Variants in EPS8 observed in about 807,000 individuals in gnomAD.
EPS8 encodes the protein epidermal growth factor receptor kinase substrate 8.
A neutral mutation model predicts 103.8 loss-of-function variants in EPS8; 42 were observed. The ratio of observed to expected loss-of-function variants is 0.40; its 90% CI spans 0.32 to 0.52. The LOEUF is 0.52. Ranked by LOEUF, EPS8 falls within the 20% of genes least tolerant of loss-of-function variation. The probability of loss-of-function intolerance (pLI) is 0.40; values close to 1 mark genes in which losing one functional copy is unlikely to be tolerated. For missense variants in EPS8, 969 were observed against 1,005.1 expected, an observed-to-expected ratio of 0.96 and a Z score of 0.49; for synonymous variants, 344 against 344.6, an observed-to-expected ratio of 1.00 and a Z score of 0.02.
chr12:15,626,501 T>A (rs2135717080), intron 18 of EPS8, among the ~76,000 whole-genome samples: 1 of 151,910 alleles, frequency 6.6e-6, no homozygotes, highest in South Asian at 2.1e-4. Flanking sequence ...TGGTGGCATG[T>A]GCCTGTGGCC....
intron 1 of EPS8, among the ~76,000 whole-genome samples, chr12:15,691,590 A>C (rs1314066214): frequency 2.0e-5 from 3 of 152,144 alleles, no homozygotes; most frequent in African/African-American, 4.8e-5. Context: ...GTAAGCCAGA[A>C]GGCAAAAGAG....
chr12:15,686,153 C>CA (rs764645857), intron 1 of EPS8, among the ~76,000 whole-genome samples: 18 of 152,172 alleles, frequency 1.2e-4, no homozygotes, highest in Non-Finnish European at 2.2e-4. Context: ...TCAGCCTACT[C>CA]AACATGAAGA....
intron 1 of EPS8, among the ~76,000 whole-genome samples, chr12:15,711,615 T>A (rs942176633): frequency 6.6e-6 from 1 of 152,144 alleles, no homozygotes; most frequent in Non-Finnish European, 1.5e-5. Flanking sequence ...GCCTTAGAGT[T>A]TGGCCACTAA....
rs188583755 is a variant in EPS8, at chr12:15,620,445, C to T, written c.*872G>A. ...GTGTAAATTAAGTGCTTCTTATTAC[C>T]AGAAATACTTGACACAGATAAACAC... On this transcript the variant is annotated 3_prime_UTR_variant, in exon 21 of 21. Transcript: ENST00000281172. 6.6e-6 allele frequency: 1 copy of T among 152,574 alleles called. No individual in the cohort carries two copies. The highest frequency in any genetic ancestry group is 2.4e-5 in the African/African-American group (1 of 41,514). The allele number at this position is 152,574 out of a possible 1,614,324, so 9.5% of individuals were successfully genotyped here. A position where few individuals can be genotyped will look rare whatever the true frequency, so the allele number is the denominator to read the frequency against.
At position 15,728,854 on chromosome 12, in the gene EPS8, GAA is replaced by G. The variant is rs1455282582; in HGVS notation, c.-21-45884_-21-45883del. Reference sequence around the variant, plus strand: ...AAAATGGGCTAAAGGACACTGTTAAGAAAATGAAAAGACAAGCCACAGACTAG... The same window carrying G: ...AAAATGGGCTAAAGGACACTGTTAAGAATGAAAAGACAAGCCACAGACTAG... On this transcript the variant is annotated intron_variant, in intron 1 of 20. Coordinates refer to ENST00000281172, the MANE Select transcript of EPS8 (RefSeq NM_004447.6). The surrounding 1 kb of genome is among the most constrained non-coding windows in gnomAD (Gnocchi z 4.5). 6.6e-6 allele frequency among the ~76,000 whole-genome samples: 1 copy of G among 152,116 alleles called. No individual in the cohort carries two copies. The highest frequency in any genetic ancestry group is 1.5e-5 in the Non-Finnish European group (1 of 67,982).
chr12:15,677,525 ATCC>A (rs1463634390), intron 3 of EPS8, among the ~76,000 whole-genome samples: 1 of 152,232 alleles, frequency 6.6e-6, no homozygotes, highest in Non-Finnish European at 1.5e-5. Context: ...ACAAAACAGT[ATCC>A]TCCTATTACA....
intron 15 of EPS8, among the ~76,000 whole-genome samples, chr12:15,643,740 G>GAAAAAAAAAAACAAAAAAAAAAAAAAAAA (rs1945271788): frequency 1.3e-5 from 1 of 76,994 alleles, no homozygotes; most frequent in African/African-American, 5.1e-5. Context: ...ACTCTGTCTC[G>GAAAAAAAAAAACAAAAAAAAAAAAAAAAA]AAAAAAAAAA....
intron 1 of EPS8, among the ~76,000 whole-genome samples, chr12:15,718,019 C>T (rs1565515984): frequency 6.6e-6 from 1 of 152,250 alleles, no homozygotes; most frequent in East Asian, 1.9e-4. Flanking sequence ...TTCTCATTTC[C>T]TTTCATGTCC....
chr12:15,624,137 A>G (rs1266186507), intron 19 of EPS8, 90 bp downstream of exon 19: 3 of 1,019,440 alleles, frequency 2.9e-6, no homozygotes, highest in Non-Finnish European at 4.5e-6. Context: ...CTTATGTTTT[A>G]TAACAGTTAT....
At chr12:15,782,753 G>C (rs1352307365) in intron 1 of EPS8, among the ~76,000 whole-genome samples, 1 of 152,104 alleles carries the variant, frequency 6.6e-6, no homozygotes, top group East Asian at 1.9e-4. Context: ...TAAAGATGCA[G>C]TATTAAGTCC....
intron 1 of EPS8, among the ~76,000 whole-genome samples, chr12:15,756,403 T>A (rs1946986603): frequency 2.0e-5 from 3 of 152,066 alleles, no homozygotes. Flanking sequence ...CAAAAACAAA[T>A]GAAAAATGTA....
chr12:15,672,299 G>C (rs1172427368), intron 3 of EPS8, among the ~76,000 whole-genome samples: 1 of 152,000 alleles, frequency 6.6e-6, no homozygotes, highest in East Asian at 1.9e-4. Context: ...CAACACATAT[G>C]AATTTCATTT....
intron 12 of EPS8, among the ~76,000 whole-genome samples, chr12:15,654,617 TTTG>T (rs1027603472): frequency 1.3e-5 from 2 of 152,182 alleles, no homozygotes; most frequent in African/African-American, 2.4e-5. Context: ...CTACCCCTGT[TTTG>T]TTGTTGTTGT....
intron 6 of EPS8, among the ~76,000 whole-genome samples, chr12:15,667,312 A>G (rs1945731876): frequency 6.6e-6 from 1 of 152,154 alleles, no homozygotes; most frequent in African/African-American, 2.4e-5. Context: ...TGGGATATTT[A>G]AAAGAGCATC....
In EPS8 at chr12:15,745,312, G is replaced by A. The variant is rs1946864895; in HGVS notation, c.-22+43849C>T. ...TCACCTGAAAAACAAAAGAACTAGA[G>A]TAGATCAGGATAGCAAGTACATGAC... On this transcript the variant is annotated intron_variant, in intron 1 of 20. Transcript: ENST00000281172. This position sits in a 1 kb window ranked among gnomAD's most constrained non-coding sequence, Gnocchi z 4.6. Among the ~76,000 whole-genome samples the A allele has an allele frequency of 6.6e-6, 1 of 152,148 alleles. No individual in the cohort carries two copies. The highest frequency in any genetic ancestry group is 2.4e-5 in the African/African-American group (1 of 41,444).
chr12:15,786,583 A>G lies in EPS8; in HGVS notation c.-22+2578T>C, dbSNP rs528753210. On this transcript the variant is annotated intron_variant, in intron 1 of 20. Coordinates refer to ENST00000281172, the MANE Select transcript of EPS8 (RefSeq NM_004447.6). ...CAAATACCAATAATACAAGATGTTA[A>G]TAAGAGGGGAAGCTGGTATGGGGGT... 7.6e-4 allele frequency among the ~76,000 whole-genome samples: 115 copies of G among 152,214 alleles called. 2 individuals carry two copies. The highest frequency in any genetic ancestry group is 1.3e-4 in the Non-Finnish European group (9 of 67,944).
chr12:15,658,021 C>T (rs1945538067), intron 12 of EPS8, 58 bp downstream of exon 12: 1 of 1,026,718 alleles, frequency 9.7e-7, no homozygotes, highest in South Asian at 1.3e-5. Context: ...TCCAGACAGA[C>T]ACTTGGGGTT....
At chr12:15,711,147 C>A (rs1946458225) in intron 1 of EPS8, among the ~76,000 whole-genome samples, 1 of 151,826 alleles carries the variant, frequency 6.6e-6, no homozygotes, top group Admixed American at 6.6e-5. Flanking sequence ...TCAAGCAATC[C>A]TCCTGCCTCA....
intron 1 of EPS8, among the ~76,000 whole-genome samples, chr12:15,709,875 G>A (rs1490688178): frequency 6.6e-6 from 1 of 152,220 alleles, no homozygotes; most frequent in Non-Finnish European, 1.5e-5. Context: ...CAGATCATCA[G>A]GCATTAGTTA....
Sources: gnomAD v4.1 joint callset for allele counts (sites outside exome capture counted in the v4.1 genomes callset) on GRCh38, gnomAD v4.1.1 for gene constraint, Gnocchi (gnomAD v3.1) non-coding constraint, MANE v1.5 for transcripts, NCBI Gene and HGNC (gene_info 2026-07-23, HGNC 2026-07-21) for gene names.